TLK1: variants seen among roughly 807,000 people sequenced by gnomAD.
TLK1 encodes serine/threonine-protein kinase tousled-like 1.
TLK1 carries 24 observed loss-of-function variants against 105.3 expected under a neutral mutation model. The ratio of observed to expected loss-of-function variants is 0.23; its 90% CI spans 0.17 to 0.32. TLK1 has a LOEUF of 0.32. Ranked by LOEUF, TLK1 falls within the 10% of genes least tolerant of loss-of-function variation. The probability of loss-of-function intolerance (pLI) is 1.00; values close to 1 mark genes in which losing one functional copy is unlikely to be tolerated. For synonymous variants in TLK1, 321 were observed against 310.4 expected, an observed-to-expected ratio of 1.03 and a Z score of -0.36; for missense variants, 558 against 910.5, an observed-to-expected ratio of 0.61 and a Z score of 4.98.
chr2:170,993,948 T>C lies in TLK1; in HGVS notation c.2133A>G (p.Ile711Met). The C allele has an allele frequency of 6.3e-7, 1 of 1,598,074 alleles. No homozygotes were observed. The highest frequency in any genetic ancestry group is 1.7e-5 in the Admixed American group (1 of 57,278). ...PVVSSEAKAF[I>M]RRCLAYRKED... Reference sequence around the variant, plus strand: ...CTTTTCGATATGCCAAACAGCGTCTTATAAATGCCTCAAAAAGAGAAAGGA... The same window carrying C: ...CTTTTCGATATGCCAAACAGCGTCTCATAAATGCCTCAAAAAGAGAAAGGA... The change falls in exon 21 of 21, where the codon ATA (isoleucine) becomes ATG (methionine). Residue 711 changes from isoleucine to methionine, a missense_variant. Transcript: ENST00000431350.
intron 18 of TLK1, among the ~76,000 whole-genome samples, chr2:170,999,972 G>C (rs989248919): frequency 6.6e-6 from 1 of 152,044 alleles, no homozygotes; most frequent in Non-Finnish European, 1.5e-5. Context: ...TGTTGCCCAG[G>C]TTGGTCTTCA....
intron 1 of TLK1, among the ~76,000 whole-genome samples, chr2:171,204,963 G>GGA: frequency 6.7e-6 from 1 of 149,898 alleles, no homozygotes; most frequent in South Asian, 2.1e-4. Context: ...AAAAAAAAAA[G>GGA]AAAAAAAAAG....
At chr2:171,148,082 G>A (rs1310424411) in intron 1 of TLK1, among the ~76,000 whole-genome samples, 1 of 152,008 alleles carries the variant, frequency 6.6e-6, no homozygotes, top group Non-Finnish European at 1.5e-5. Context: ...ACTTGAGATG[G>A]GGTTTCACCG....
chr2:170,996,985 G>A (rs994243190), intron 19 of TLK1, among the ~76,000 whole-genome samples: 6 of 152,126 alleles, frequency 3.9e-5, no homozygotes, highest in African/African-American at 1.4e-4. Context: ...ATTAAACACT[G>A]TAAGAAGAAG....
intron 1 of TLK1, among the ~76,000 whole-genome samples, chr2:171,147,614 T>C: frequency 6.6e-6 from 1 of 152,228 alleles, no homozygotes; most frequent in South Asian, 2.1e-4. Context: ...TCTCTGTTTA[T>C]GTGGCAAAGA....
upstream of TLK1, chr2:171,160,966 AGCGGCGGCG>A (rs546390551): frequency 3.4e-3 from 532 of 155,390 alleles, no homozygotes; most frequent in African/African-American, 0.011. This position sits in a 1 kb window ranked among gnomAD's most constrained non-coding sequence, Gnocchi z 4.4. Flanking sequence ...CGCCTCCGGT[AGCGGCGGCG>A]GCGGCGGCGG....
At chr2:171,152,433 A>G (rs1164311021) in intron 1 of TLK1, among the ~76,000 whole-genome samples, 1 of 152,184 alleles carries the variant, frequency 6.6e-6, no homozygotes, top group Non-Finnish European at 1.5e-5. Context: ...TTTCCACTCC[A>G]TGACTGATAA....
intron 2 of TLK1, among the ~76,000 whole-genome samples, chr2:171,089,944 A>T (rs1374014877): frequency 6.6e-6 from 1 of 152,104 alleles, no homozygotes. Context: ...TGGTCTTTAC[A>T]TTTTTATATA....
At chr2:171,052,173 T>C (rs891783903) in intron 8 of TLK1, among the ~76,000 whole-genome samples, 41 of 152,190 alleles carry the variant, frequency 2.7e-4, no homozygotes, top group Admixed American at 2.2e-3. Context: ...GGTAGAAATA[T>C]TGCTTAAACC....
At chr2:171,125,164 T>G (rs1452472967) in intron 1 of TLK1, among the ~76,000 whole-genome samples, 1 of 152,198 alleles carries the variant, frequency 6.6e-6, no homozygotes, top group Non-Finnish European at 1.5e-5. Flanking sequence ...ACTTGGAAAC[T>G]TATTTTGGTG....
At chr2:171,043,104 G>A (rs1686768756) in intron 11 of TLK1, among the ~76,000 whole-genome samples, 1 of 152,124 alleles carries the variant, frequency 6.6e-6, no homozygotes, top group South Asian at 2.1e-4. Flanking sequence ...TATGGAAACA[G>A]ACACAGAGAA....
intron 4 of TLK1, among the ~76,000 whole-genome samples, chr2:171,059,461 T>G (rs912519267): frequency 7.2e-5 from 11 of 152,328 alleles, no homozygotes; most frequent in Admixed American, 5.9e-4. Flanking sequence ...TCAAGTATCA[T>G]CCCTTCTCCA....
rs569077248 is a variant in TLK1 at position 171,046,095 on chromosome 2, T to C, written c.1169+79A>G. On this transcript the variant is annotated intron_variant, in intron 11 of 20. Transcript: ENST00000431350. ...ATCATTTTTGCTATCTAAGTATTAA[T>C]TATAAATAACATCCATTAGTAACAT... 6.4e-5 allele frequency: 81 copies of C among 1,260,050 alleles called. No individual in the cohort carries two copies. The East Asian group carries it at 2.0e-3, about 31-fold the overall frequency. The allele number at this position is 1,260,050 out of a possible 1,614,324, so 78.1% of individuals were successfully genotyped here.
At position 171,160,716 on chromosome 2, in the gene TLK1, G is replaced by A; in HGVS notation, c.-288C>T. 2 of 472,174 alleles carry A rather than the reference G, an allele frequency of 4.2e-6. No homozygotes were observed. Among genetic ancestry groups the A allele is most frequent in the South Asian group, 4.8e-5 (1 of 20,818 alleles). 29.2% of individuals were successfully genotyped at this position (472,174 alleles called of 1,614,324 possible). A position where few individuals can be genotyped will look rare whatever the true frequency, so the allele number is the denominator to read the frequency against. The stretch of plus-strand genomic sequence containing the variant: ...AAAGGAGCGCGGCGGCGGAGGCGTC[G>A]AGGGGGTGCCAGCCGGGCCGGGGTC... On this transcript the variant is annotated 5_prime_UTR_variant, in exon 1 of 21. Coordinates refer to ENST00000431350, the MANE Select transcript of TLK1 (RefSeq NM_012290.5). This position sits in a 1 kb window ranked among gnomAD's most constrained non-coding sequence, Gnocchi z 4.4.
At chr2:171,205,340 C>T (rs1406001489) in intron 1 of TLK1, among the ~76,000 whole-genome samples, 2 of 150,346 alleles carry the variant, frequency 1.3e-5, no homozygotes, top group Admixed American at 1.3e-4. Flanking sequence ...TTTTTTTTCC[C>T]CCAACAGGGT....
rs1687594935 is a variant in TLK1, at chr2:171,058,277, T to G, written c.407-80A>C. The G allele has an allele frequency of 2.4e-6, 3 of 1,248,584 alleles. No individual in the cohort carries two copies. The South Asian group carries it at 3.9e-5, about 16-fold the overall frequency. The allele number at this position is 1,248,584 out of a possible 1,614,324, so 77.3% of individuals were successfully genotyped here. On this transcript the variant is annotated intron_variant, in intron 4 of 20. Transcript: ENST00000431350. ...TATTAAGAGTCCGCAGGACATCAGC[T>G]ATCAATTTCACAAATATGAAAATCA... is the stretch of plus-strand genomic sequence containing the variant.
intron 1 of TLK1, among the ~76,000 whole-genome samples, chr2:171,131,706 C>T (rs751278186): frequency 2.8e-4 from 43 of 152,164 alleles, no homozygotes; most frequent in Non-Finnish European, 5.9e-4. Flanking sequence ...TAATCATGAA[C>T]GCATGGTAAA....
At chr2:171,109,872 G>C (rs902811785) in intron 2 of TLK1, among the ~76,000 whole-genome samples, 2 of 152,148 alleles carry the variant, frequency 1.3e-5, no homozygotes, top group Non-Finnish European at 2.9e-5. Flanking sequence ...AAGGATGCCA[G>C]ATACAAAAGA....
chr2:171,120,342 C>A (rs1690604857), intron 1 of TLK1, among the ~76,000 whole-genome samples: 1 of 148,976 alleles, frequency 6.7e-6, no homozygotes, highest in African/African-American at 2.5e-5. Context: ...AGGACACAAT[C>A]AACAGAGTGA....
Sources: allele counts gnomAD v4.1 joint callset (sites outside exome capture counted in the v4.1 genomes callset), GRCh38; gene constraint gnomAD v4.1.1; non-coding constraint Gnocchi (gnomAD v3.1); transcripts MANE v1.5; gene names NCBI Gene and HGNC (gene_info 2026-07-23, HGNC 2026-07-21).